LHFPL2: variants seen among roughly 807,000 people sequenced by gnomAD.
The protein encoded by LHFPL2 is LHFPL tetraspan subfamily member 2 protein.
A neutral mutation model predicts 17.5 loss-of-function variants in LHFPL2; 7 were observed. That is an observed-to-expected ratio of 0.40 (90% confidence interval 0.23 to 0.75). The LOEUF (loss-of-function observed/expected upper bound fraction) is 0.75. Ranked by LOEUF, LHFPL2 falls within the 30% of genes least tolerant of loss-of-function variation. The probability of loss-of-function intolerance (pLI) is 0.37; values close to 1 mark genes in which losing one functional copy is unlikely to be tolerated. For missense variants in LHFPL2, 241 were observed against 294.8 expected (o/e 0.82, Z 1.34); for synonymous variants, 134 against 116.2 (o/e 1.15, Z -0.99).
intron 1 of LHFPL2, among the ~76,000 whole-genome samples, chr5:78,643,635 C>A (rs1002790522): frequency 6.6e-6 from 1 of 152,034 alleles, no homozygotes; most frequent in African/African-American, 2.4e-5. Flanking sequence ...GCATCAGAGA[C>A]AACTGAAGAT....
chr5:78,612,012 C>T (rs1037146121), intron 2 of LHFPL2, among the ~76,000 whole-genome samples: 26 of 150,028 alleles, frequency 1.7e-4, no homozygotes, highest in Non-Finnish European at 3.5e-4. Context: ...TCCGAAACAA[C>T]GAAACAACTA....
intron 3 of LHFPL2, among the ~76,000 whole-genome samples, chr5:78,531,021 G>C (rs1437498779): frequency 2.0e-5 from 3 of 152,194 alleles, no homozygotes; most frequent in African/African-American, 7.2e-5. Context: ...GCCTGGCATA[G>C]AGTAGGACTC....
intron 3 of LHFPL2, among the ~76,000 whole-genome samples, chr5:78,522,075 C>T (rs1019106259): frequency 2.6e-5 from 4 of 152,128 alleles, no homozygotes; most frequent in Non-Finnish European, 5.9e-5. Flanking sequence ...TTGCTTTTTC[C>T]TCTCTTCTCA....
At chr5:78,518,308 C>T (rs1160773953) in intron 3 of LHFPL2, among the ~76,000 whole-genome samples, 1 of 152,184 alleles carries the variant, frequency 6.6e-6, no homozygotes, top group African/African-American at 2.4e-5. Flanking sequence ...GTGGCTCACA[C>T]CTATAATCCC....
chr5:78,621,880 T>C (rs1744867854), intron 2 of LHFPL2, among the ~76,000 whole-genome samples: 1 of 152,100 alleles, frequency 6.6e-6, no homozygotes. Context: ...CCTTTCCCCC[T>C]AAGCTGTTGG....
intron 2 of LHFPL2, among the ~76,000 whole-genome samples, chr5:78,581,087 G>A (rs1285402860): frequency 9.2e-5 from 14 of 151,992 alleles, no homozygotes; most frequent in Admixed American, 9.2e-4. Context: ...GGATTCCTAG[G>A]TATTTTATTC....
At chr5:78,555,912 TG>T (rs1756560647) in intron 3 of LHFPL2, among the ~76,000 whole-genome samples, 2 of 152,340 alleles carry the variant, frequency 1.3e-5, no homozygotes, top group East Asian at 3.9e-4. Context: ...AAGCACTTCA[TG>T]GGGTCCATGA....
At chr5:78,520,189 A>G (rs1755409738) in intron 3 of LHFPL2, among the ~76,000 whole-genome samples, 1 of 152,178 alleles carries the variant, frequency 6.6e-6, no homozygotes, top group South Asian at 2.1e-4. Flanking sequence ...TCTGCCGCTT[A>G]TCTCCCCAAG....
intron 2 of LHFPL2, among the ~76,000 whole-genome samples, chr5:78,567,279 T>C (rs1421213002): frequency 2.0e-5 from 3 of 152,200 alleles, no homozygotes; most frequent in Non-Finnish European, 4.4e-5. Flanking sequence ...AGAAGTAATA[T>C]CTTGTGAAAC....
At chr5:78,580,975 G>A (rs1490062943) in intron 2 of LHFPL2, among the ~76,000 whole-genome samples, 3 of 152,110 alleles carry the variant, frequency 2.0e-5, no homozygotes, top group Non-Finnish European at 4.4e-5. Context: ...CTTCCTACCC[G>A]TGAGCATAGA....
chr5:78,584,557 C>G (rs986882973), intron 2 of LHFPL2, among the ~76,000 whole-genome samples: 32 of 152,132 alleles, frequency 2.1e-4, no homozygotes, highest in Admixed American at 7.2e-4. Context: ...AGGTGTCAGT[C>G]TGCCCCTGCT....
chr5:78,526,516 G>A (rs1755625426), intron 3 of LHFPL2, among the ~76,000 whole-genome samples: 1 of 152,140 alleles, frequency 6.6e-6, no homozygotes, highest in Non-Finnish European at 1.5e-5. Context: ...TTACATCCCA[G>A]TGATATGCAG....
intron 3 of LHFPL2, among the ~76,000 whole-genome samples, chr5:78,516,010 C>T (rs574568202): frequency 4.4e-4 from 67 of 152,230 alleles, no homozygotes; most frequent in Non-Finnish European, 8.8e-4. Context: ...CAGCATGAAA[C>T]GATCTGCCCA....
intron 2 of LHFPL2, among the ~76,000 whole-genome samples, chr5:78,578,190 T>C (rs1757181356): frequency 6.6e-6 from 1 of 152,216 alleles, no homozygotes; most frequent in South Asian, 2.1e-4. Flanking sequence ...CCTCTGTACT[T>C]CACTTGCTTA....
intron 2 of LHFPL2, among the ~76,000 whole-genome samples, chr5:78,615,437 T>G (rs925590267): frequency 1.6e-4 from 25 of 152,220 alleles, no homozygotes; most frequent in African/African-American, 5.8e-4. Flanking sequence ...AAACTGGTAA[T>G]TAGACTAAAA....
chr5:78,628,385 G>A (rs532527713), intron 2 of LHFPL2, among the ~76,000 whole-genome samples: 4 of 152,172 alleles, frequency 2.6e-5, no homozygotes, highest in Admixed American at 6.5e-5. Flanking sequence ...GTAATTGCTG[G>A]CTTCTTCCTC....
intron 4 of LHFPL2, among the ~76,000 whole-genome samples, chr5:78,502,783 A>G (rs1384917188): frequency 1.3e-5 from 2 of 152,226 alleles, no homozygotes; most frequent in Non-Finnish European, 2.9e-5. Context: ...ATAATGTTAA[A>G]TAATTCCTAC....
chr5:78,633,015 C>T (rs1354158284), intron 1 of LHFPL2, among the ~76,000 whole-genome samples: 1 of 152,174 alleles, frequency 6.6e-6, no homozygotes, highest in Non-Finnish European at 1.5e-5. Flanking sequence ...CATTTCAGGT[C>T]ACAAGAGGCC....
intron 4 of LHFPL2, among the ~76,000 whole-genome samples, chr5:78,503,239 A>G (rs1261527862): frequency 6.6e-6 from 1 of 152,218 alleles, no homozygotes; most frequent in African/African-American, 2.4e-5. Context: ...TGTTAATGTA[A>G]TTTGAATATA....
Sources: allele counts gnomAD v4.1 joint callset (sites outside exome capture counted in the v4.1 genomes callset), GRCh38; gene constraint gnomAD v4.1.1; transcripts MANE v1.5; gene names NCBI Gene and HGNC (gene_info 2026-07-23, HGNC 2026-07-21).